CLCNKA: variants seen among roughly 807,000 people sequenced by gnomAD.
CLCNKA encodes chloride voltage-gated channel Ka, also known as chloride channel protein ClC-Ka.
A neutral mutation model predicts 83.3 loss-of-function variants in CLCNKA; 66 were observed. That is an observed-to-expected ratio of 0.79 (90% confidence interval 0.65 to 0.97). The LOEUF is 0.97. Ranked by LOEUF, CLCNKA falls within the 50% of genes least tolerant of loss-of-function variation. The pLI, the probability that CLCNKA is intolerant of heterozygous loss-of-function variation, is 0.00. For missense variants in CLCNKA, 806 were observed against 888.7 expected (o/e 0.91, Z 1.18); for synonymous variants, 357 against 370.4 (o/e 0.96, Z 0.42).
At position 16,030,088 on chromosome 1, in the gene CLCNKA, C is replaced by T. The variant is rs3737218; in HGVS notation, c.1408+13C>T. On this transcript the variant is annotated intron_variant, in intron 14 of 19. Transcript: ENST00000331433. ...TATGCTCTGGCAGGTGAGTGGGTCA[C>T]GGCCCTGCTGGGTGGGCAATGTCGT... 608,654 of 1,569,528 alleles carry T rather than the reference C, an allele frequency of 0.39. 121,574 individuals are homozygous for T. The highest frequency in any genetic ancestry group is 0.66 in the East Asian group (29,602 of 44,700).
At position 16,026,120 on chromosome 1, in the gene CLCNKA, C is replaced by T. The variant is rs770111084; in HGVS notation, c.371C>T (p.Pro124Leu). The T allele has an allele frequency of 5.5e-5, 88 of 1,612,496 alleles. No homozygotes were observed. The highest frequency in any genetic ancestry group is 7.2e-5 in the Non-Finnish European group (85 of 1,180,006). The change falls in exon 5 of 20, where the codon CCG becomes CTG. Residue 124 changes from proline (P) to leucine (L), a missense_variant. Pro to Leu is a moderately conservative substitution (Grantham distance 98). Coordinates refer to ENST00000331433, the MANE Select transcript of CLCNKA (RefSeq NM_004070.4). ...ITPSSGGSGI[P>L]ELKTMLAGVI... ...CTGTCTGGCTAAGGTTCTGGAATCCCGGAGCTGAAGACCATGTTGGCGGGT... is the reference window on the plus strand; with the variant it reads ...CTGTCTGGCTAAGGTTCTGGAATCCTGGAGCTGAAGACCATGTTGGCGGGT...
chr1:16,022,687 G>T lies in CLCNKA; in HGVS notation c.68G>T (p.Gly23Val), dbSNP rs1402875574. Residue 23 changes from glycine to valine, a missense_variant, in exon 2 of 20, where the codon GGC (glycine) becomes GTC (valine). Physicochemically the swap from Gly to Val is moderately radical, Grantham distance 109. Transcript: ENST00000331433. Reference sequence around the variant, plus strand: ...CCTGTGACTCTGCAGGAGCTGTGGGGCCCCTGTCCCCACATCCGCCGAGCC... The same window carrying T: ...CCTGTGACTCTGCAGGAGCTGTGGGTCCCCTGTCCCCACATCCGCCGAGCC... ...GDPVTLQELWGPCPHIRRAIQ... is the reference protein window; with the variant it reads ...GDPVTLQELWVPCPHIRRAIQ... The T allele has an allele frequency of 1.3e-6, 2 of 1,553,674 alleles. No homozygotes were observed. Among genetic ancestry groups the T allele is most frequent in the East Asian group, 2.4e-5 (1 of 42,296 alleles).
In CLCNKA at chr1:16,024,866, C is replaced by T. The variant is rs780865149; in HGVS notation, c.333C>T (p.Ser111=). The change falls in exon 4 of 20, where the codon TCC becomes TCT. Residue 111 remains serine (S), a synonymous_variant. Coordinates refer to ENST00000331433, the MANE Select transcript of CLCNKA (RefSeq NM_004070.4). ...TCGTCTCTTTCTCCTCAGGCTTCTCCCAGAGCATCACGCCCTCCTCTGGAG... is the reference window on the plus strand; with the variant it reads ...TCGTCTCTTTCTCCTCAGGCTTCTCTCAGAGCATCACGCCCTCCTCTGGAG... ...VALVSFSSGF[S]QSITPSSGGS... is the part of the protein sequence containing the mutation. 6.2e-7 allele frequency: 1 copy of T among 1,614,138 alleles called. No individual in the cohort carries two copies. The highest frequency in any genetic ancestry group is 1.1e-5 in the South Asian group (1 of 91,078).
rs1043222032 is a variant in CLCNKA, at chr1:16,028,078, C to T, written c.927C>T (p.Phe309=). 65 of 1,583,584 alleles carry T rather than the reference C, an allele frequency of 4.1e-5. No individual in the cohort carries two copies. The highest frequency in any genetic ancestry group is 5.5e-5 in the Non-Finnish European group (64 of 1,153,386). Residue 309 remains phenylalanine (F), a synonymous_variant, in exon 10 of 20, where the codon TTC becomes TTT. Coordinates refer to ENST00000331433, the MANE Select transcript of CLCNKA (RefSeq NM_004070.4). ...YLFCQRTFLS[F]IKTNRYSSKL... ...TCTGTCAGCGAACCTTCCTCAGCTTCATCAAGACCAATCGGTACAGCTCCA... is the reference window on the plus strand; with the variant it reads ...TCTGTCAGCGAACCTTCCTCAGCTTTATCAAGACCAATCGGTACAGCTCCA...
rs1447427740 is a variant in CLCNKA, at chr1:16,028,850, G to C, written c.1053+5G>C. Reference sequence around the variant, plus strand: ...GGCCACTTCCTAGCTTCTCGGGTAAGGGGTCCTGAGCGGGGGTGGCAGGAG... The same window carrying C: ...GGCCACTTCCTAGCTTCTCGGGTAACGGGTCCTGAGCGGGGGTGGCAGGAG... On this transcript the variant is annotated splice_donor_5th_base_variant and intron_variant, in intron 11 of 19. Transcript: ENST00000331433. 6.2e-7 allele frequency: 1 copy of C among 1,613,996 alleles called. No homozygotes were observed. Among genetic ancestry groups the C allele is most frequent in the East Asian group, 2.2e-5 (1 of 44,888 alleles).
chr1:16,022,833 C>T, intron 2 of CLCNKA, 114 bp downstream of exon 2: 10 of 736,134 alleles, frequency 1.4e-5, no homozygotes, highest in Non-Finnish European at 2.1e-5. Context: ...TTGTCCAGGA[C>T]ATGACTGCCC....
At chr1:16,027,121 G>C (rs1570301555) in intron 7 of CLCNKA, among the ~76,000 whole-genome samples, 189 bp from the exon 8 acceptor site, 1 of 152,344 alleles carries the variant, frequency 6.6e-6, no homozygotes, top group East Asian at 1.9e-4. Context: ...TTCCAGGCTG[G>C]ATGGATCCCT....
chr1:16,029,086 G>A (rs781318649), intron 11 of CLCNKA, 40 bp from the exon 12 acceptor site: 1 of 1,576,532 alleles, frequency 6.3e-7, no homozygotes, highest in Admixed American at 1.7e-5. Context: ...TGCCGCTGGG[G>A]GGGGCCCCTC....
intron 7 of CLCNKA, 56 bp from the exon 8 acceptor site, chr1:16,027,254 C>G (rs1286765222): frequency 6.2e-7 from 1 of 1,609,138 alleles, no homozygotes; most frequent in Non-Finnish European, 8.5e-7. Context: ...GGAGGGGGCC[C>G]TACAGCCACA....
rs1292372206 is a variant in CLCNKA, at chr1:16,026,152, T to C, written c.403T>C (p.Leu135=). ...GAAGACCATGTTGGCGGGTGTGATC[T>C]TGGAGGACTACCTGGATATCAAGAA... ...ELKTMLAGVI[L]EDYLDIKNFG... Residue 135 remains leucine, a synonymous_variant, in exon 5 of 20, where the codon TTG becomes CTG. Coordinates refer to ENST00000331433, the MANE Select transcript of CLCNKA (RefSeq NM_004070.4). 9 of 1,613,396 alleles carry C rather than the reference T, an allele frequency of 5.6e-6. No individual in the cohort carries two copies. Among genetic ancestry groups the C allele is most frequent in the East Asian group, 2.2e-5 (1 of 44,874 alleles).
In CLCNKA at chr1:16,027,919, T is replaced by A; in HGVS notation, c.866+14T>A. On this transcript the variant is annotated intron_variant, in intron 9 of 19. Transcript: ENST00000331433. ...TGTGGCGCTGGGGTGAGTGGGTGCCTTGGGCCCCTGAGAGTCCAAAAGGCA... is the reference window on the plus strand; with the variant it reads ...TGTGGCGCTGGGGTGAGTGGGTGCCATGGGCCCCTGAGAGTCCAAAAGGCA... The A allele has an allele frequency of 1.9e-6, 3 of 1,613,876 alleles. No individual in the cohort carries two copies. The South Asian group carries it at 3.3e-5, about 18-fold the overall frequency.
intron 7 of CLCNKA, 53 bp downstream of exon 7, chr1:16,026,828 C>A: frequency 6.2e-7 from 1 of 1,600,544 alleles, no homozygotes; most frequent in Admixed American, 1.7e-5. Context: ...CCTCCCCTCA[C>A]ACCCTGGGCT....
chr1:16,024,211 C>T (rs1410274182), intron 3 of CLCNKA, among the ~76,000 whole-genome samples: 1 of 152,252 alleles, frequency 6.6e-6, no homozygotes, highest in Admixed American at 6.5e-5. Flanking sequence ...CTTCTCCTTC[C>T]CTCCTCCGTG....
chr1:16,031,793 AG>A lies in CLCNKA; in HGVS notation c.1708del (p.Val570LeufsTer2), dbSNP rs556704888. ...AKDTPLEEVV[K>X]VVTSTDVTEY... ...GACACGCCGCTGGAGGAGGTGGTCA[AG>A]GTTGTGACCTCCACAGACGTGACCG... On this transcript the variant is annotated frameshift_variant, in exon 16 of 20. Transcript: ENST00000331433. LOFTEE classifies it high-confidence loss of function. 1.7e-4 allele frequency: 277 copies of A among 1,613,958 alleles called. No individual in the cohort carries two copies. The African/African-American group carries it at 3.5e-3, about 20-fold the overall frequency.
chr1:16,026,829 A>T (rs2022375044), intron 7 of CLCNKA, 54 bp downstream of exon 7: 1 of 1,599,204 alleles, frequency 6.3e-7, no homozygotes, highest in African/African-American at 1.3e-5. Flanking sequence ...CTCCCCTCAC[A>T]CCCTGGGCTC....
At chr1:16,029,634 C>A in intron 12 of CLCNKA, 97 bp from the exon 13 acceptor site, 1 of 1,485,576 alleles carries the variant, frequency 6.7e-7, no homozygotes, top group Non-Finnish European at 9.4e-7. Flanking sequence ...CACCCTCTTT[C>A]TATCTAGGAC....
rs2022286805 is a variant in CLCNKA, at chr1:16,024,880, C to T, written c.347C>T (p.Pro116Leu). The change falls in exon 4 of 20, where the codon CCC (proline) becomes CTC (leucine). Residue 116 changes from proline to leucine, a missense_variant. Pro to Leu is a moderately conservative substitution (Grantham distance 98, BLOSUM62 -3). Transcript: ENST00000331433. ...FSSGFSQSIT[P>L]SSGGSGIPEL... ...TCAGGCTTCTCCCAGAGCATCACGC[C>T]CTCCTCTGGAGGTGAGTCCACGGTC... 9 of 1,614,164 alleles carry T rather than the reference C, an allele frequency of 5.6e-6. No homozygotes were observed. In the East Asian group the frequency reaches 2.0e-4, roughly 36 times the overall value.
chr1:16,025,642 G>A lies in CLCNKA; in HGVS notation c.359-466G>A, dbSNP rs367571289. Reference sequence around the variant, plus strand: ...GTCGGGGTTATAATGAGCCGAGATCGAACCACTGCATTCCAGCCTGGACAA... The same window carrying A: ...GTCGGGGTTATAATGAGCCGAGATCAAACCACTGCATTCCAGCCTGGACAA... On this transcript the variant is annotated intron_variant, in intron 4 of 19. Transcript: ENST00000331433. Among the ~76,000 whole-genome samples, 29 of 152,088 alleles carry A rather than the reference G, an allele frequency of 1.9e-4. No homozygotes were observed. In the South Asian group the frequency reaches 6.0e-3, roughly 32 times the overall value.
chr1:16,026,346 G>A, intron 5 of CLCNKA, 99 bp downstream of exon 5: 1 of 1,518,914 alleles, frequency 6.6e-7, no homozygotes, highest in Admixed American at 1.9e-5. Flanking sequence ...GCAGACTCAG[G>A]CCAGTGCCTG....
Sources: allele counts gnomAD v4.1 joint callset (sites outside exome capture counted in the v4.1 genomes callset), GRCh38; gene constraint gnomAD v4.1.1; transcripts MANE v1.5; gene names NCBI Gene and HGNC (gene_info 2026-07-23, HGNC 2026-07-21).